The following MIA2 variants were observed in gnomAD, a reference collection of about 807,000 sequenced individuals.
MIA2 encodes MIA SH3 domain ER export factor 2, also known as melanoma inhibitory activity protein 2.
MIA2 carries 127 observed loss-of-function variants against 167.8 expected under a neutral mutation model. The observed-to-expected ratio is 0.76, with a 90% confidence interval of 0.66 to 0.88. The LOEUF (loss-of-function observed/expected upper bound fraction) is 0.88. MIA2 is among the 40% of genes least tolerant of loss of function. The probability of loss-of-function intolerance (pLI) is 0.00; values close to 1 mark genes in which losing one functional copy is unlikely to be tolerated. For synonymous variants in MIA2, 552 were observed against 541.9 expected, an observed-to-expected ratio of 1.02 and a Z score of -0.26; for missense variants, 1,690 against 1,624.7, an observed-to-expected ratio of 1.04 and a Z score of -0.69.
intron 25 of MIA2, among the ~76,000 whole-genome samples, chr14:39,341,482 T>C (rs1366975216): frequency 6.6e-6 from 1 of 152,150 alleles, no homozygotes; most frequent in East Asian, 1.9e-4. Context: ...CAGAGTGTAA[T>C]TGCAGAAATT....
chr14:39,335,661 G>A (rs2070215193), intron 25 of MIA2, among the ~76,000 whole-genome samples: 1 of 151,986 alleles, frequency 6.6e-6, no homozygotes, highest in East Asian at 1.9e-4. Context: ...TTGTTACATG[G>A]GTATATTGCA....
chr14:39,236,344 A>G (rs2053745848), intron 1 of MIA2, among the ~76,000 whole-genome samples: 1 of 152,170 alleles, frequency 6.6e-6, no homozygotes, highest in African/African-American at 2.4e-5. Context: ...GGGAAAGGAC[A>G]GAAAGAAAAG....
intron 10 of MIA2, chr14:39,292,670 C>G (rs2060892443): frequency 3.2e-6 from 1 of 312,510 alleles, no homozygotes; most frequent in Non-Finnish European, 6.2e-6. Context: ...GTTTATTTTT[C>G]TTTAACAAGT....
intron 6 of MIA2, among the ~76,000 whole-genome samples, chr14:39,271,707 A>C (rs557012335): frequency 1.3e-5 from 2 of 152,000 alleles, no homozygotes; most frequent in South Asian, 4.2e-4. Flanking sequence ...AGGTGAGCAG[A>C]TCATTTGAGC....
intron 22 of MIA2, among the ~76,000 whole-genome samples, 169 bp from the exon 23 acceptor site, chr14:39,319,038 TTA>T (rs2065954187): frequency 6.6e-6 from 1 of 152,110 alleles, no homozygotes; most frequent in Admixed American, 6.5e-5. Context: ...ATTACCCTAG[TTA>T]ATAAGCAGTG....
intron 6 of MIA2, chr14:39,269,082 T>A: frequency 1.1e-6 from 1 of 883,356 alleles, no homozygotes; most frequent in Non-Finnish European, 1.3e-6. Context: ...CAGTTTTTTT[T>A]TTTTTTTTTT....
At chr14:39,314,171 A>C (rs2064889307) in intron 19 of MIA2, among the ~76,000 whole-genome samples, 1 of 152,134 alleles carries the variant, frequency 6.6e-6, no homozygotes, top group Non-Finnish European at 1.5e-5. Flanking sequence ...GGATCATCTG[A>C]GGTCAGGAAT....
chr14:39,324,914 T>A (rs1452116742), intron 24 of MIA2, among the ~76,000 whole-genome samples: 1 of 152,130 alleles, frequency 6.6e-6, no homozygotes, highest in Non-Finnish European at 1.5e-5. Flanking sequence ...GCTATTTTAG[T>A]TAGGCTTCTA....
intron 3 of MIA2, among the ~76,000 whole-genome samples, chr14:39,245,930 T>C (rs2054281865): frequency 6.6e-6 from 1 of 152,070 alleles, no homozygotes; most frequent in Non-Finnish European, 1.5e-5. Context: ...CTACCTCAAA[T>C]CAAGGCAAAC....
Position 39,234,145 on chromosome 14 carries a change from C to T in MIA2, c.31C>T (p.Leu11Phe), listed in dbSNP as rs774182326. 1.2e-6 allele frequency: 2 copies of T among 1,607,396 alleles called. No individual in the cohort carries two copies. The highest frequency in any genetic ancestry group is 1.7e-5 in the Admixed American group (1 of 58,622). The part of the protein sequence containing the change: MAKFGVHRIL[L>F]LAISLTKCLE... ...AAAATTTGGCGTTCACAGAATCCTT[C>T]TTCTGGCTATTTCTCTGACAAAGTG... Residue 11 changes from leucine to phenylalanine, a missense_variant, in exon 1 of 29, where the codon CTT becomes TTT. Transcript: ENST00000640607.
chr14:39,338,283 A>G (rs1478155839), intron 25 of MIA2, among the ~76,000 whole-genome samples: 2 of 152,230 alleles, frequency 1.3e-5, no homozygotes, highest in Middle Eastern at 3.2e-3. Context: ...ATAGTTATGA[A>G]AGACGTAAAC....
intron 24 of MIA2, among the ~76,000 whole-genome samples, chr14:39,324,988 C>T (rs1378488870): frequency 6.6e-6 from 1 of 152,076 alleles, no homozygotes; most frequent in African/African-American, 2.4e-5. Flanking sequence ...TTTGGGAGGT[C>T]AAGGTGGTGG....
intron 26 of MIA2, among the ~76,000 whole-genome samples, chr14:39,346,395 A>G (rs2073252009): frequency 6.6e-6 from 1 of 152,176 alleles, no homozygotes; most frequent in Admixed American, 6.6e-5. Context: ...CCAGAAAACA[A>G]TTTAGATGCA....
chr14:39,258,764 G>T (rs1246885545), intron 6 of MIA2, among the ~76,000 whole-genome samples: 4 of 152,176 alleles, frequency 2.6e-5, no homozygotes, highest in Non-Finnish European at 4.4e-5. Context: ...TTTGGATGGG[G>T]TTTTTGTGTG....
chr14:39,349,322 T>C (rs558287386), intron 28 of MIA2, among the ~76,000 whole-genome samples: 55 of 152,348 alleles, frequency 3.6e-4, no homozygotes, highest in African/African-American at 1.2e-3. Flanking sequence ...TAATAACTTA[T>C]ATTCTAGCAT....
chr14:39,259,995 G>A (rs2055015345), intron 6 of MIA2, among the ~76,000 whole-genome samples: 1 of 152,124 alleles, frequency 6.6e-6, no homozygotes, highest in Non-Finnish European at 1.5e-5. Context: ...TGCTCAGAAT[G>A]ATGGTTTCCA....
At chr14:39,363,501 C>T (rs1425454812) in intron 23 of MIA2, among the ~76,000 whole-genome samples, 2 of 152,172 alleles carry the variant, frequency 1.3e-5, no homozygotes, top group African/African-American at 4.8e-5. Flanking sequence ...TGTTCTCCAG[C>T]CTGGGTGACA....
chr14:39,341,301 CAAAAAT>C, intron 25 of MIA2, among the ~76,000 whole-genome samples: 1 of 151,128 alleles, frequency 6.6e-6, no homozygotes, highest in African/African-American at 2.4e-5. Flanking sequence ...GACTCCCTCT[CAAAAAT>C]AAATAAATAA....
At position 39,281,269 on chromosome 14, in the gene MIA2, T is replaced by C. The variant is rs80061808; in HGVS notation, c.2130+1732T>C. ...CTCTTGATTGTTACTTTTCCACATA[T>C]TGTTTTTGCCCTTTTTTGTTCTTTC... On this transcript the variant is annotated intron_variant, in intron 9 of 28. Transcript: ENST00000640607. 1.3e-4 allele frequency among the ~76,000 whole-genome samples: 20 copies of C among 152,126 alleles called. No individual in the cohort carries two copies. In the East Asian group the frequency reaches 3.5e-3, roughly 26 times the overall value.
Sources: allele counts gnomAD v4.1 joint callset (sites outside exome capture counted in the v4.1 genomes callset), GRCh38; gene constraint gnomAD v4.1.1; transcripts MANE v1.5; gene names NCBI Gene and HGNC (gene_info 2026-07-23, HGNC 2026-07-21).